The following INO80D variants were observed in gnomAD, a reference collection of about 807,000 sequenced individuals.
INO80D encodes INO80 complex subunit D.
INO80D carries 21 observed loss-of-function variants against 87.6 expected under a neutral mutation model. The observed-to-expected ratio is 0.24, with a 90% CI of 0.17 to 0.35. The LOEUF is 0.35. Ranked by LOEUF, INO80D falls within the 10% of genes least tolerant of loss-of-function variation. INO80D has a pLI of 1.00. For missense variants in INO80D, 982 were observed against 1,280.7 expected (o/e 0.77, Z 3.56); for synonymous variants, 440 against 491.0 (o/e 0.90, Z 1.37).
In INO80D at chr2:205,996,471, A is replaced by G. The variant is rs1575780666; in HGVS notation, c.*7897T>C. On this transcript the variant is annotated 3_prime_UTR_variant, in exon 11 of 11. Coordinates refer to ENST00000403263, the MANE Select transcript of INO80D (RefSeq NM_017759.5). ...CAAAACTATAATCCAAAGGACTTCC[A>G]TTTTAGTATGTTCTGATGATGTACT... is the stretch of plus-strand genomic sequence containing the variant. 3.9e-5 allele frequency: 6 copies of G among 152,126 alleles called. No homozygotes were observed. In the South Asian group the frequency reaches 1.2e-3, roughly 32 times the overall value. 9.4% of individuals were successfully genotyped at this position (152,126 alleles called of 1,614,324 possible).
rs1687779530 is a variant in INO80D at position 205,994,857 on chromosome 2, A to G, written c.*9511T>C. 2 of 149,902 alleles carry G rather than the reference A, an allele frequency of 1.3e-5. No individual in the cohort carries two copies. The highest frequency in any genetic ancestry group is 4.9e-5 in the African/African-American group (2 of 40,926). 9.3% of individuals were successfully genotyped at this position (149,902 alleles called of 1,614,324 possible). A position where few individuals can be genotyped will look rare whatever the true frequency, so the allele number is the denominator to read the frequency against. ...TAAGAATTAAATCTATTTCAAGCAC[A>G]TGCAACTTGGAACTCGCAAAAAAAA... On this transcript the variant is annotated 3_prime_UTR_variant, in exon 11 of 11. Coordinates refer to ENST00000403263, the MANE Select transcript of INO80D (RefSeq NM_017759.5).
chr2:206,033,946 T>G (rs1482098130), intron 5 of INO80D, among the ~76,000 whole-genome samples: 1 of 152,090 alleles, frequency 6.6e-6, no homozygotes, highest in Non-Finnish European at 1.5e-5. Context: ...AAAAGATCAT[T>G]CAAGGCTACT....
At position 206,007,426 on chromosome 2, in the gene INO80D, T is replaced by C; in HGVS notation, c.1776A>G (p.Pro592=). Residue 592 remains proline (P), a synonymous_variant, in exon 10 of 11, where the codon CCA becomes CCG. Transcript: ENST00000403263. ...CCGGCAACTCATCAGCACTCAGCTCTGGCGTGGATGGGCTCCTGGGAAAGA... is the reference window on the plus strand; with the variant it reads ...CCGGCAACTCATCAGCACTCAGCTCCGGCGTGGATGGGCTCCTGGGAAAGA... The part of the protein sequence containing the change: ...EASHIRSPST[P]ELSADELPDD... The C allele has an allele frequency of 6.2e-7, 1 of 1,610,118 alleles. No individual in the cohort carries two copies.
In INO80D at chr2:206,003,964, A is replaced by AGTGT; in HGVS notation, c.*403_*404insACAC. On this transcript the variant is annotated 3_prime_UTR_variant, in exon 11 of 11. Transcript: ENST00000403263. ...TCTCTTATACAGGAACTCAATTAAT[A>AGTGT]AGATCATTCTATCTAGAACCACCTA... 5.1e-6 allele frequency: 1 copy of AGTGT among 195,740 alleles called. No homozygotes were observed. Among genetic ancestry groups the AGTGT allele is most frequent in the Non-Finnish European group, 1.1e-5 (1 of 93,052 alleles). The allele number at this position is 195,740 out of a possible 1,614,324, so 12.1% of individuals were successfully genotyped here.
Position 205,994,995 on chromosome 2 carries a change from C to G in INO80D, c.*9373G>C, listed in dbSNP as rs1195387445. ...CCTTCTTTCAAATTTGAATTTTGAA[C>G]AAGGCAAAATAACAATTAGGTGATA... On this transcript the variant is annotated 3_prime_UTR_variant, in exon 11 of 11. Transcript: ENST00000403263. 1 of 151,668 alleles carries G rather than the reference C, an allele frequency of 6.6e-6. No individual in the cohort carries two copies. The highest frequency in any genetic ancestry group is 2.4e-5 in the African/African-American group (1 of 41,294). 9.4% of individuals were successfully genotyped at this position (151,668 alleles called of 1,614,324 possible). A position where few individuals can be genotyped will look rare whatever the true frequency, so the allele number is the denominator to read the frequency against.
chr2:206,031,768 G>A (rs1688773288), intron 5 of INO80D, among the ~76,000 whole-genome samples: 1 of 152,208 alleles, frequency 6.6e-6, no homozygotes. Context: ...CAGAACAACT[G>A]CAAGAACAAA....
At chr2:206,013,301 C>A (rs1221048196) in intron 8 of INO80D, among the ~76,000 whole-genome samples, 1 of 152,132 alleles carries the variant, frequency 6.6e-6, no homozygotes, top group Non-Finnish European at 1.5e-5. Flanking sequence ...CGCCTGTAAT[C>A]CCAGCACTTT....
chr2:206,075,724 C>T (rs1357613974), intron 1 of INO80D, among the ~76,000 whole-genome samples: 1 of 151,632 alleles, frequency 6.6e-6, no homozygotes, highest in Non-Finnish European at 1.5e-5. Context: ...AGGAATGAGC[C>T]ACCGTGCCCA....
At chr2:206,014,988 A>T (rs1160809827) in intron 8 of INO80D, among the ~76,000 whole-genome samples, 1 of 152,238 alleles carries the variant, frequency 6.6e-6, no homozygotes, top group Non-Finnish European at 1.5e-5. Flanking sequence ...TAGCAAAGAG[A>T]CTGGCAACAT....
chr2:206,067,824 G>C (rs1474786806), intron 1 of INO80D, among the ~76,000 whole-genome samples: 1 of 152,070 alleles, frequency 6.6e-6, no homozygotes, highest in Non-Finnish European at 1.5e-5. Context: ...GTAGGTATGA[G>C]AGCATTTTAC....
rs1687815786 is a variant in INO80D at position 205,996,721 on chromosome 2, C to T, written c.*7647G>A. ...AATCTTTCCATTGACAAGGCAAGTT[C>T]ACATTCAGCAAAGTGCCACCACATC... is the stretch of plus-strand genomic sequence containing the variant. On this transcript the variant is annotated 3_prime_UTR_variant, in exon 11 of 11. Transcript: ENST00000403263. The T allele has an allele frequency of 6.6e-6, 1 of 152,004 alleles. No homozygotes were observed. 9.4% of individuals were successfully genotyped at this position (152,004 alleles called of 1,614,324 possible).
intron 1 of INO80D, among the ~76,000 whole-genome samples, chr2:206,084,273 A>ACCCC (rs35924014): frequency 1.2e-3 from 169 of 144,508 alleles, no homozygotes; most frequent in East Asian, 8.8e-3. Flanking sequence ...ACACACACAC[A>ACCCC]CCCCAAAACC....
At position 205,998,740 on chromosome 2, in the gene INO80D, A is replaced by C. The variant is rs1687852826; in HGVS notation, c.*5628T>G. The C allele has an allele frequency of 6.6e-6, 1 of 152,194 alleles. No individual in the cohort carries two copies. The highest frequency in any genetic ancestry group is 2.4e-5 in the African/African-American group (1 of 41,446). 9.4% of individuals were successfully genotyped at this position (152,194 alleles called of 1,614,324 possible). A position where few individuals can be genotyped will look rare whatever the true frequency, so the allele number is the denominator to read the frequency against. ...AGGAGAAAGGAAAAAGTCCTATGCA[A>C]GACACTGTGGGCTACAAAACCAAAT... On this transcript the variant is annotated 3_prime_UTR_variant, in exon 11 of 11. Transcript: ENST00000403263.
At chr2:206,040,739 G>C in intron 5 of INO80D, 1 of 283,326 alleles carries the variant, frequency 3.5e-6, no homozygotes, top group Non-Finnish European at 7.5e-6. Flanking sequence ...GATGTCTTCA[G>C]AGATCCTGCT....
Position 205,999,011 on chromosome 2 carries a change from C to G in INO80D, c.*5357G>C, listed in dbSNP as rs1293900634. ...ACTAATCCACTGGAGCCAACTGTAC[C>G]TTAATGATGCAGGTTGGAGTCATTT... On this transcript the variant is annotated 3_prime_UTR_variant, in exon 11 of 11. Coordinates refer to ENST00000403263, the MANE Select transcript of INO80D (RefSeq NM_017759.5). The G allele has an allele frequency of 6.6e-6, 1 of 152,082 alleles. No individual in the cohort carries two copies. The highest frequency in any genetic ancestry group is 1.5e-5 in the Non-Finnish European group (1 of 68,036). 9.4% of individuals were successfully genotyped at this position (152,082 alleles called of 1,614,324 possible).
chr2:206,056,827 C>G lies in INO80D; in HGVS notation c.335G>C (p.Ser112Thr), dbSNP rs1344023305. ...CAAGGCCAACGTGGGCACTGTCAGG[C>G]TAAAGGCCATGGTATCCATCTGGTG... ...VRHQMDTMAF[S>T]LTVPTLALKM... is the part of the protein sequence containing the mutation. Residue 112 changes from serine (S) to threonine (T), a missense_variant, in exon 4 of 11, where the codon AGC (serine) becomes ACC (threonine). Physicochemically the swap from Ser to Thr is moderately conservative, Grantham distance 58. Transcript: ENST00000403263. The G allele has an allele frequency of 5.0e-6, 8 of 1,612,192 alleles. No individual in the cohort carries two copies. In the Admixed American group the frequency reaches 1.3e-4, roughly 27 times the overall value.
At chr2:206,034,922 A>G (rs1456697161) in intron 5 of INO80D, among the ~76,000 whole-genome samples, 4 of 152,170 alleles carry the variant, frequency 2.6e-5, no homozygotes, top group African/African-American at 7.2e-5. Context: ...ATATACACCA[A>G]TCAGTAGCTC....
At position 206,056,838 on chromosome 2, in the gene INO80D, G is replaced by A. The variant is rs1457547089; in HGVS notation, c.324C>T (p.Thr108=). 2.5e-6 allele frequency: 4 copies of A among 1,611,714 alleles called. No individual in the cohort carries two copies. In the South Asian group the frequency reaches 3.3e-5, roughly 13 times the overall value. ...DEVKVRHQMD[T]MAFSLTVPTL... is the part of the protein sequence containing the mutation. ...TGGGCACTGTCAGGCTAAAGGCCATGGTATCCATCTGGTGCCTGACCTTCA... is the reference window on the plus strand; with the variant it reads ...TGGGCACTGTCAGGCTAAAGGCCATAGTATCCATCTGGTGCCTGACCTTCA... Residue 108 remains threonine (T), a synonymous_variant, in exon 4 of 11, where the codon ACC becomes ACT. Coordinates refer to ENST00000403263, the MANE Select transcript of INO80D (RefSeq NM_017759.5).
At chr2:206,078,372 G>A (rs1174242985) in intron 1 of INO80D, among the ~76,000 whole-genome samples, 2 of 152,024 alleles carry the variant, frequency 1.3e-5, no homozygotes, top group African/African-American at 2.4e-5. Flanking sequence ...AGCTGAGATC[G>A]TGCCACTGCA....
Sources: gnomAD v4.1 joint callset for allele counts (sites outside exome capture counted in the v4.1 genomes callset) on GRCh38, gnomAD v4.1.1 for gene constraint, MANE v1.5 for transcripts, NCBI Gene and HGNC (gene_info 2026-07-23, HGNC 2026-07-21) for gene names.